MAP3K4: variants seen among roughly 807,000 people sequenced by gnomAD.
The protein encoded by MAP3K4 is mitogen-activated protein kinase kinase kinase 4.
MAP3K4 carries 67 observed loss-of-function variants against 185.6 expected under a neutral mutation model. The observed-to-expected ratio is 0.36, with a 90% CI of 0.30 to 0.44. The LOEUF (loss-of-function observed/expected upper bound fraction) is 0.44, where lower values mean the gene tolerates loss of function less well. MAP3K4 is among the 20% of genes least tolerant of loss of function. The pLI is 1.00. For missense variants in MAP3K4, 1,551 were observed against 1,995.1 expected (o/e 0.78, Z 4.24); for synonymous variants, 702 against 710.4 (o/e 0.99, Z 0.19).
At chr6:161,032,327 C>A (rs1345285738) in intron 1 of MAP3K4, among the ~76,000 whole-genome samples, 1 of 152,206 alleles carries the variant, frequency 6.6e-6, no homozygotes, top group African/African-American at 2.4e-5. Context: ...GGTTCCCTCA[C>A]TGAGCACAGT....
intron 1 of MAP3K4, among the ~76,000 whole-genome samples, chr6:161,028,170 A>G (rs1583133662): frequency 6.6e-6 from 1 of 151,902 alleles, no homozygotes; most frequent in Middle Eastern, 3.4e-3. Flanking sequence ...TTCATCAGGG[A>G]CCCCCAAAGT....
intron 15 of MAP3K4, 152 bp downstream of exon 15, chr6:161,094,003 T>C (rs1290318071): frequency 5.1e-6 from 3 of 591,088 alleles, no homozygotes; most frequent in Non-Finnish European, 8.9e-6. Context: ...GGTGTGTAGA[T>C]AGAGAACTCC....
In MAP3K4 at chr6:161,084,015, G is replaced by T. The variant is rs1369132791; in HGVS notation, c.2256-486G>T. The stretch of plus-strand genomic sequence containing the variant: ...CTCATTTAGATTCATTTTATATACT[G>T]GGGTGTACATTTTAACACTAGTATT... On this transcript the variant is annotated intron_variant, in intron 6 of 26. Coordinates refer to ENST00000392142, the MANE Select transcript of MAP3K4 (RefSeq NM_005922.4). The surrounding 1 kb of genome is among the most constrained non-coding windows in gnomAD (Gnocchi z 4.6). Among the ~76,000 whole-genome samples, 2 of 152,154 alleles carry T rather than the reference G, an allele frequency of 1.3e-5. No homozygotes were observed. Among genetic ancestry groups the T allele is most frequent in the Non-Finnish European group, 2.9e-5 (2 of 68,042 alleles).
chr6:161,079,309 G>T (rs1785332296), intron 5 of MAP3K4, among the ~76,000 whole-genome samples: 1 of 151,738 alleles, frequency 6.6e-6, no homozygotes, highest in Admixed American at 6.6e-5. Flanking sequence ...CGGACGCAGT[G>T]GTTCACGCCT....
chr6:161,019,633 TC>T (rs1782284152), intron 1 of MAP3K4, among the ~76,000 whole-genome samples: 1 of 152,206 alleles, frequency 6.6e-6, no homozygotes, highest in African/African-American at 2.4e-5. Context: ...GGTCTTGAAC[TC>T]CTGACCTCAA....
At position 161,076,212 on chromosome 6, in the gene MAP3K4, A is replaced by G. The variant is rs1223366079; in HGVS notation, c.2097+2600A>G. ...CACCCAGAGATTAACTAGAGCCTTG[A>G]TATCTAGGGGTGTGACAGCCATGAC... On this transcript the variant is annotated intron_variant, in intron 5 of 26. Transcript: ENST00000392142. This position sits in a 1 kb window ranked among gnomAD's most constrained non-coding sequence, Gnocchi z 4.2. 6.6e-6 allele frequency among the ~76,000 whole-genome samples: 1 copy of G among 152,210 alleles called. No homozygotes were observed. The highest frequency in any genetic ancestry group is 1.5e-5 in the Non-Finnish European group (1 of 68,032).
intron 1 of MAP3K4, among the ~76,000 whole-genome samples, chr6:161,014,002 G>T (rs1186509274): frequency 1.3e-5 from 2 of 152,178 alleles, no homozygotes; most frequent in Non-Finnish European, 2.9e-5. Context: ...CTGGAGTCCA[G>T]TCCCGCCTTC....
chr6:161,109,481 T>G lies in MAP3K4; in HGVS notation c.4237-274T>G, dbSNP rs16892160. 7.0e-3 allele frequency among the ~76,000 whole-genome samples: 1,061 copies of G among 152,310 alleles called. 9 individuals are homozygous for G. The highest frequency in any genetic ancestry group is 0.024 in the African/African-American group (1,009 of 41,552). On this transcript the variant is annotated intron_variant, in intron 22 of 26. Coordinates refer to ENST00000392142, the MANE Select transcript of MAP3K4 (RefSeq NM_005922.4). This position sits in a 1 kb window ranked among gnomAD's most constrained non-coding sequence, Gnocchi z 5.7. ...TCTGAGATTATATAGCAGACTTAAT[T>G]TCAGAGGATAATAGAAATTGATCCC...
At chr6:161,020,386 A>G (rs1782322572) in intron 1 of MAP3K4, among the ~76,000 whole-genome samples, 1 of 152,026 alleles carries the variant, frequency 6.6e-6, no homozygotes. Flanking sequence ...TGGGCCGGGC[A>G]CAGTGGCTCA....
Position 161,073,115 on chromosome 6 carries a change from G to T in MAP3K4, c.1951-351G>T. Among the ~76,000 whole-genome samples the T allele has an allele frequency of 6.6e-6, 1 of 151,898 alleles. No homozygotes were observed. ...GAGGTTTTTCTTTCTCACATTTCTT[G>T]TAATGTAAATTAGTAGAAAAATTGA... is the stretch of plus-strand genomic sequence containing the variant. On this transcript the variant is annotated intron_variant, in intron 4 of 26. Transcript: ENST00000392142. This position sits in a 1 kb window ranked among gnomAD's most constrained non-coding sequence, Gnocchi z 4.2.
At chr6:161,069,652 A>T (rs1317413689) in intron 3 of MAP3K4, among the ~76,000 whole-genome samples, 1 of 152,188 alleles carries the variant, frequency 6.6e-6, no homozygotes, top group African/African-American at 2.4e-5. Context: ...GTCTGCTGTA[A>T]TCAGTGCCAG....
intron 4 of MAP3K4, among the ~76,000 whole-genome samples, chr6:161,072,128 A>G (rs1029321201): frequency 1.3e-5 from 2 of 152,248 alleles, no homozygotes; most frequent in Non-Finnish European, 2.9e-5. Flanking sequence ...TAATAGAGAA[A>G]TTGATAATTA....
rs952641278 is a variant in MAP3K4, at chr6:161,074,745, G to C, written c.2097+1133G>C. Among the ~76,000 whole-genome samples, 6 of 152,294 alleles carry C rather than the reference G, an allele frequency of 3.9e-5. No individual in the cohort carries two copies. Among genetic ancestry groups the C allele is most frequent in the African/African-American group, 9.6e-5 (4 of 41,552 alleles). ...AATAAAACTGTATCGTTGTAGGTGG[G>C]GTGCATTCATTCTTGCTTAACATGT... On this transcript the variant is annotated intron_variant, in intron 5 of 26. Transcript: ENST00000392142. The surrounding 1 kb of genome is among the most constrained non-coding windows in gnomAD (Gnocchi z 5.0).
intron 1 of MAP3K4, among the ~76,000 whole-genome samples, chr6:161,014,069 A>G (rs1277206060): frequency 6.6e-6 from 1 of 152,258 alleles, no homozygotes. Context: ...TATATCACAT[A>G]GTAGGCACTG....
intron 1 of MAP3K4, among the ~76,000 whole-genome samples, chr6:160,998,961 C>T (rs1781141013): frequency 6.6e-6 from 1 of 152,166 alleles, no homozygotes; most frequent in South Asian, 2.1e-4. Context: ...TCATGTTTTG[C>T]AATTTGCAGA....
intron 1 of MAP3K4, among the ~76,000 whole-genome samples, chr6:161,024,832 C>T (rs972513609): frequency 6.6e-5 from 10 of 152,264 alleles, no homozygotes; most frequent in Middle Eastern, 3.4e-3. Context: ...GTGTAGCCCA[C>T]GCTTAAGGGG....
chr6:161,081,117 G>A (rs1315087661), intron 6 of MAP3K4, 79 bp downstream of exon 6: 2 of 1,446,638 alleles, frequency 1.4e-6, no homozygotes, highest in African/African-American at 2.8e-5. Context: ...TCTCTCCTAT[G>A]TGTTTGTATG....
At chr6:161,069,874 A>G (rs932222789) in intron 3 of MAP3K4, among the ~76,000 whole-genome samples, 10 of 151,946 alleles carry the variant, frequency 6.6e-5, no homozygotes, top group Non-Finnish European at 1.2e-4. Flanking sequence ...GGCCTTGGGG[A>G]GCCAGGGAGG....
rs574066898 is a variant in MAP3K4, at chr6:161,086,175, T to C, written c.2373-204T>C. Among the ~76,000 whole-genome samples the C allele has an allele frequency of 1.3e-5, 2 of 152,366 alleles. No homozygotes were observed. Among genetic ancestry groups the C allele is most frequent in the Admixed American group, 1.3e-4 (2 of 15,304 alleles). ...GTGCCCTGCTTACATTGAAAGGATA[T>C]GAATATTTTCTACAAAACTGTCAGG... On this transcript the variant is annotated intron_variant, in intron 7 of 26. Transcript: ENST00000392142. The surrounding 1 kb of genome is among the most constrained non-coding windows in gnomAD (Gnocchi z 4.8).
Sources: allele counts gnomAD v4.1 joint callset (sites outside exome capture counted in the v4.1 genomes callset), GRCh38; gene constraint gnomAD v4.1.1; non-coding constraint Gnocchi (gnomAD v3.1); transcripts MANE v1.5; gene names NCBI Gene and HGNC (gene_info 2026-07-23, HGNC 2026-07-21).